The following POLR2B variants were observed in gnomAD, a reference collection of about 807,000 sequenced individuals.
POLR2B encodes DNA-directed RNA polymerase II subunit RPB2.
Under a neutral mutation model 144.6 loss-of-function variants are expected in POLR2B, and 57 were observed. The ratio of observed to expected loss-of-function variants is 0.39; its 90% confidence interval spans 0.32 to 0.49. The LOEUF is 0.49. POLR2B is among the 20% of genes least tolerant of loss of function. The probability of loss-of-function intolerance (pLI) is 0.83; values close to 1 mark genes in which losing one functional copy is unlikely to be tolerated. For synonymous variants in POLR2B, 442 were observed against 469.8 expected (o/e 0.94, Z 0.77); for missense variants, 595 against 1,467.4 (o/e 0.41, Z 9.71).
At chr4:56,999,488 A>G (rs1722791729) in intron 6 of POLR2B, 129 bp from the exon 7 acceptor site, 1 of 509,462 alleles carries the variant, frequency 2.0e-6, no homozygotes, top group Non-Finnish European at 3.3e-6. Context: ...GGTTCCTCAC[A>G]GTATTGGGAG....
rs570312601 is a variant in POLR2B, at chr4:57,019,620, A to G, written c.2324-1279A>G. Among the ~76,000 whole-genome samples, 14 of 152,336 alleles carry G rather than the reference A, an allele frequency of 9.2e-5. No homozygotes were observed. In the South Asian group the frequency reaches 2.3e-3, roughly 25 times the overall value. ...GAGTAAGTTGCAGGCATGAAGCCAT[A>G]TCATTCTTTAATTCTTCAGTATGTG... is the stretch of plus-strand genomic sequence containing the variant. On this transcript the variant is annotated intron_variant, in intron 16 of 24. Transcript: ENST00000314595.
intron 9 of POLR2B, 51 bp from the exon 10 acceptor site, chr4:57,006,765 T>C (rs762850934): frequency 1.4e-5 from 19 of 1,385,188 alleles, no homozygotes. Flanking sequence ...CTGTTGAGAA[T>C]ATATGTTGTA....
At chr4:57,002,584 A>G (rs1016500076) in intron 7 of POLR2B, 2 of 152,128 alleles carry the variant, frequency 1.3e-5, no homozygotes, top group Non-Finnish European at 2.9e-5. Context: ...CCTTTGAAAA[A>G]TATCACTTTG....
At position 56,978,948 on chromosome 4, in the gene POLR2B, G is replaced by C. The variant is rs772707269; in HGVS notation, c.-38G>C. The C allele has an allele frequency of 1.2e-6, 2 of 1,609,214 alleles. No individual in the cohort carries two copies. On this transcript the variant is annotated 5_prime_UTR_variant, in exon 1 of 25. Transcript: ENST00000314595. ...GGCTTCTGGGCGGTTTTTGTCTTTT[G>C]ATTTCAAGAGTTAGGAGCTCGAGAA...
chr4:56,981,038 GGT>G (rs1722141824), intron 1 of POLR2B, among the ~76,000 whole-genome samples: 1 of 151,974 alleles, frequency 6.6e-6, no homozygotes. Flanking sequence ...CCTGACCTCA[GGT>G]GATTCACCTG....
At chr4:56,985,575 C>CT (rs1298076009) in intron 1 of POLR2B, 7 of 611,600 alleles carry the variant, frequency 1.1e-5, no homozygotes, top group Non-Finnish European at 1.4e-5. Flanking sequence ...TAATTTTTGT[C>CT]TTTTTTAGTA....
chr4:57,025,737 G>C (rs2109721145), intron 23 of POLR2B, among the ~76,000 whole-genome samples, 200 bp downstream of exon 23: 1 of 152,188 alleles, frequency 6.6e-6, no homozygotes, highest in African/African-American at 2.4e-5. Context: ...TTTAAAGGCA[G>C]AGTCTCACTC....
At chr4:56,995,888 G>A (rs780959452) in intron 6 of POLR2B, among the ~76,000 whole-genome samples, 2 of 152,204 alleles carry the variant, frequency 1.3e-5, no homozygotes, top group Non-Finnish European at 2.9e-5. Context: ...GTACGAGCAA[G>A]GTGGAAATCA....
Position 57,005,228 on chromosome 4 carries a change from A to T in POLR2B, c.901-18A>T. 1 of 1,433,400 alleles carries T rather than the reference A, an allele frequency of 7.0e-7. No individual in the cohort carries two copies. The highest frequency in any genetic ancestry group is 9.3e-7 in the Non-Finnish European group (1 of 1,079,474). The allele number at this position is 1,433,400 out of a possible 1,614,324, so 88.8% of individuals were successfully genotyped here. A position where few individuals can be genotyped will look rare whatever the true frequency, so the allele number is the denominator to read the frequency against. On this transcript the variant is annotated intron_variant, in intron 7 of 24. Coordinates refer to ENST00000314595, the MANE Select transcript of POLR2B (RefSeq NM_000938.3). Reference sequence around the variant, plus strand: ...CAACATGAATTTGAAAATAACTTTTATTTAAATTGTCTGATAGGTTAAACC... The same window carrying T: ...CAACATGAATTTGAAAATAACTTTTTTTTAAATTGTCTGATAGGTTAAACC...
intron 13 of POLR2B, among the ~76,000 whole-genome samples, chr4:57,012,041 C>A (rs753428129): frequency 6.6e-6 from 1 of 151,988 alleles, no homozygotes; most frequent in African/African-American, 2.4e-5. Flanking sequence ...ATGTGATATA[C>A]CACTAATAGA....
At chr4:57,003,499 T>A (rs1295708715) in intron 7 of POLR2B, among the ~76,000 whole-genome samples, 2 of 151,980 alleles carry the variant, frequency 1.3e-5, no homozygotes, top group Admixed American at 6.6e-5. Context: ...GGGAGGAGGA[T>A]TGCTTGATCC....
intron 1 of POLR2B, among the ~76,000 whole-genome samples, chr4:56,985,076 G>GTA (rs1722275890): frequency 6.6e-6 from 1 of 152,120 alleles, no homozygotes; most frequent in Non-Finnish European, 1.5e-5. Context: ...GAGATGATCT[G>GTA]TAGTATTGAC....
In POLR2B at chr4:57,022,157, T is replaced by A; in HGVS notation, c.2426T>A (p.Val809Asp). Residue 809 changes from valine to aspartate, a missense_variant, in exon 18 of 25, where the codon GTT becomes GAT. This residue lies in a region of POLR2B where 39 missense variants were observed against 174.3 expected (regional missense o/e 0.22). Coordinates refer to ENST00000314595, the MANE Select transcript of POLR2B (RefSeq NM_000938.3). ...SAVDRGFFRS[V>D]FYRSYKEQES... ...TTAGAACCATGTGTTTTTAGGTCTG[T>A]TTTCTATCGCTCATACAAAGAACAG... The A allele has an allele frequency of 1.2e-6, 2 of 1,602,862 alleles. No homozygotes were observed. Among genetic ancestry groups the A allele is most frequent in the Non-Finnish European group, 8.5e-7 (1 of 1,170,670 alleles).
At chr4:57,004,352 CTT>C (rs34205751) in intron 7 of POLR2B, among the ~76,000 whole-genome samples, 88,805 of 140,400 alleles carry the variant, frequency 0.63, 28,834 homozygotes, top group Middle Eastern at 0.74. Context: ...CCCAGCAAAT[CTT>C]TTTTTTTTTT....
At chr4:57,012,621 T>C (rs1023754393) in intron 13 of POLR2B, among the ~76,000 whole-genome samples, 1 of 151,964 alleles carries the variant, frequency 6.6e-6, no homozygotes, top group South Asian at 2.1e-4. Flanking sequence ...AGAGTTTGGT[T>C]GTTCTGGGCC....
At chr4:56,994,103 G>A (rs1299382036) in intron 3 of POLR2B, among the ~76,000 whole-genome samples, 1 of 152,182 alleles carries the variant, frequency 6.6e-6, no homozygotes. Context: ...AGTGTGTGAT[G>A]ATTGGGTGTG....
intron 3 of POLR2B, 62 bp from the exon 4 acceptor site, chr4:56,994,342 A>T (rs974529109): frequency 2.5e-6 from 2 of 813,000 alleles, no homozygotes; most frequent in African/African-American, 3.5e-5. Context: ...TTAAAATGGA[A>T]TCACTAAAAC....
intron 1 of POLR2B, chr4:56,985,261 G>A (rs980313672): frequency 2.2e-6 from 2 of 899,632 alleles, no homozygotes; most frequent in African/African-American, 3.6e-5. Flanking sequence ...TTGAGACAGA[G>A]TCTCGCTCTG....
intron 7 of POLR2B, among the ~76,000 whole-genome samples, chr4:57,003,725 C>T (rs1009620974): frequency 4.6e-5 from 7 of 151,996 alleles, no homozygotes; most frequent in Non-Finnish European, 7.4e-5. Context: ...TGCCTGTAAT[C>T]CCAGCTACTC....
Sources: gnomAD v4.1 joint callset for allele counts (sites outside exome capture counted in the v4.1 genomes callset) on GRCh38, gnomAD v4.1.1 for gene constraint, gnomAD v4.1.1 regional missense constraint, MANE v1.5 for transcripts, NCBI Gene and HGNC (gene_info 2026-07-23, HGNC 2026-07-21) for gene names.